Variants in ANKAR observed in about 807,000 individuals in gnomAD.
The protein encoded by ANKAR is ankyrin and armadillo repeat-containing protein.
A neutral mutation model predicts 146.2 loss-of-function variants in ANKAR; 136 were observed. The ratio of observed to expected loss-of-function variants is 0.93; its 90% CI spans 0.81 to 1.07. The LOEUF (loss-of-function observed/expected upper bound fraction) is 1.07. ANKAR is among the 50% of genes least tolerant of loss of function. The pLI, the probability that ANKAR is intolerant of heterozygous loss-of-function variation, is 0.00. For synonymous variants in ANKAR, 500 were observed against 575.8 expected (o/e 0.87, Z 1.88); for missense variants, 1,567 against 1,679.9 (o/e 0.93, Z 1.18).
Position 189,737,808 on chromosome 2 carries a change from A to C in ANKAR, c.3549A>C (p.Thr1183=). The C allele has an allele frequency of 6.3e-7, 1 of 1,576,228 alleles. No individual in the cohort carries two copies. ...ISIFERFLES[T]VETEKAMAAF... The stretch of plus-strand genomic sequence containing the variant: ...TTTTTGAACGTTTTCTTGAATCAAC[A>C]GTTGAAACTGAGAAGGCAATGGCAG... The change falls in exon 18 of 23, where the codon ACA becomes ACC. Residue 1183 remains threonine, a synonymous_variant. Transcript: ENST00000684021.
At chr2:189,717,505 C>T (rs2040629901) in intron 10 of ANKAR, among the ~76,000 whole-genome samples, 1 of 152,146 alleles carries the variant, frequency 6.6e-6, no homozygotes, top group Non-Finnish European at 1.5e-5. Flanking sequence ...TAAACTAGTT[C>T]AACCATTGTG....
intron 19 of ANKAR, 27 bp downstream of exon 19, chr2:189,738,709 A>T (rs1443132341): frequency 7.1e-7 from 1 of 1,412,564 alleles, no homozygotes; most frequent in Non-Finnish European, 9.8e-7. Flanking sequence ...AGTTAATTTT[A>T]GCCACATAAA....
intron 10 of ANKAR, among the ~76,000 whole-genome samples, chr2:189,712,792 A>G (rs1483142450): frequency 6.6e-6 from 1 of 152,222 alleles, no homozygotes; most frequent in Non-Finnish European, 1.5e-5. Flanking sequence ...TGACAGAAGT[A>G]GGCTTCAGAA....
rs2037201383 is a variant in ANKAR at position 189,696,353 on chromosome 2, T to G, written c.1692T>G (p.Phe564Leu). 1 of 1,613,394 alleles carries G rather than the reference T, an allele frequency of 6.2e-7. No individual in the cohort carries two copies. Among genetic ancestry groups the G allele is most frequent in the African/African-American group, 1.3e-5 (1 of 74,878 alleles). The change falls in exon 7 of 23, where the codon TTT (phenylalanine) becomes TTG (leucine). Residue 564 changes from phenylalanine to leucine, a missense_variant. Coordinates refer to ENST00000684021, the MANE Select transcript of ANKAR (RefSeq NM_001378068.1). ...ACTTCAAGGTCAACCAGAGGCGCTT[T>G]GTTACGTTCAGCCAAGGTACCATAA... ...NANFKVNQRR[F>L]VTFSQGPTPL...
At chr2:189,760,616 C>A (rs1284799116) in intron 18 of ANKAR, among the ~76,000 whole-genome samples, 4 of 152,050 alleles carry the variant, frequency 2.6e-5, no homozygotes, top group Non-Finnish European at 5.9e-5. Context: ...CATGGTGAAA[C>A]CCCGTCTCTA....
chr2:189,761,215 A>G (rs115413443), downstream of ANKAR: 337 of 394,724 alleles, frequency 8.5e-4, 1 homozygote, highest in African/African-American at 6.2e-3. Context: ...TCTTTTGGCA[A>G]CAGGATTAGT....
intron 2 of ANKAR, among the ~76,000 whole-genome samples, chr2:189,688,200 G>A (rs930583907): frequency 6.6e-6 from 1 of 152,056 alleles, no homozygotes; most frequent in Non-Finnish European, 1.5e-5. Flanking sequence ...TTTTCCCAGT[G>A]CCATTTATTG....
downstream of ANKAR, among the ~76,000 whole-genome samples, chr2:189,749,910 T>C (rs957513034): frequency 1.3e-5 from 2 of 152,102 alleles, no homozygotes; most frequent in East Asian, 1.9e-4. Flanking sequence ...TTGCCTGAGC[T>C]CAGGAGTTCA....
chr2:189,747,583 C>T (rs1279593562), downstream of ANKAR, among the ~76,000 whole-genome samples: 2 of 152,140 alleles, frequency 1.3e-5, no homozygotes, highest in Non-Finnish European at 2.9e-5. Context: ...GGCTTAGAAC[C>T]ATATGATGTC....
intron 2 of ANKAR, among the ~76,000 whole-genome samples, chr2:189,684,574 G>T (rs770369342): frequency 6.6e-6 from 1 of 152,032 alleles, no homozygotes; most frequent in Non-Finnish European, 1.5e-5. Flanking sequence ...AAGGGAATTG[G>T]TTGGGCACAG....
chr2:189,676,365 A>G (rs761014970), intron 1 of ANKAR, 91 bp from the exon 2 acceptor site: 5 of 1,116,150 alleles, frequency 4.5e-6, no homozygotes, highest in Non-Finnish European at 6.1e-6. Context: ...AATCTTATGT[A>G]GGTGAAAGGT....
chr2:189,753,940 C>A (rs756276132), intron 18 of ANKAR: 8 of 1,613,652 alleles, frequency 5.0e-6, no homozygotes, highest in Non-Finnish European at 6.8e-6. Flanking sequence ...TTTGAGGTAA[C>A]AAGTCTCTCT....
intron 18 of ANKAR, chr2:189,752,616 T>C (rs749440956): frequency 1.9e-6 from 3 of 1,604,576 alleles, no homozygotes; most frequent in Non-Finnish European, 2.6e-6. Context: ...TCTTAAGTAA[T>C]GTAACTTGCA....
At chr2:189,682,023 G>T (rs911912962) in intron 2 of ANKAR, among the ~76,000 whole-genome samples, 2 of 152,136 alleles carry the variant, frequency 1.3e-5, no homozygotes, top group Non-Finnish European at 2.9e-5. Flanking sequence ...CTTAAATGAG[G>T]CTGGGAACCT....
intron 10 of ANKAR, 152 bp downstream of exon 10, chr2:189,711,305 A>C: frequency 1.9e-6 from 1 of 528,278 alleles, no homozygotes; most frequent in Non-Finnish European, 3.2e-6. Flanking sequence ...TTACCTGTCA[A>C]CCATATATTT....
chr2:189,687,537 A>G (rs75940199), intron 2 of ANKAR, among the ~76,000 whole-genome samples: 5 of 152,220 alleles, frequency 3.3e-5, no homozygotes, highest in African/African-American at 1.2e-4. Flanking sequence ...GAAACCTCCA[A>G]ACTGTTCTCC....
intron 7 of ANKAR, among the ~76,000 whole-genome samples, chr2:189,701,034 T>G (rs564818791): frequency 2.2e-4 from 33 of 152,350 alleles, no homozygotes; most frequent in African/African-American, 7.7e-4. Context: ...TTTCTGTAAT[T>G]TGAAAACGAT....
chr2:189,734,150 C>A (rs982944183), intron 17 of ANKAR, among the ~76,000 whole-genome samples: 1 of 152,188 alleles, frequency 6.6e-6, no homozygotes, highest in Non-Finnish European at 1.5e-5. Flanking sequence ...ATGTATTTTA[C>A]TGGTAATCTT....
At chr2:189,688,870 A>G (rs902198709) in intron 2 of ANKAR, among the ~76,000 whole-genome samples, 3 of 152,218 alleles carry the variant, frequency 2.0e-5, no homozygotes, top group Non-Finnish European at 4.4e-5. Flanking sequence ...AACAGGCCAG[A>G]ACCACATCGT....
Sources: allele counts gnomAD v4.1 joint callset (sites outside exome capture counted in the v4.1 genomes callset), GRCh38; gene constraint gnomAD v4.1.1; transcripts MANE v1.5; gene names NCBI Gene and HGNC (gene_info 2026-07-23, HGNC 2026-07-21).